TMEM204: variants seen among roughly 807,000 people sequenced by gnomAD.
TMEM204 encodes the protein transmembrane protein 204.
In TMEM204, 15 loss-of-function variants were observed where a neutral mutation model predicts 19.4. That is an observed-to-expected ratio of 0.77 (90% CI 0.52 to 1.19). The LOEUF (loss-of-function observed/expected upper bound fraction) is 1.19. TMEM204 is among the 50% of genes most tolerant of loss of function. The probability of loss-of-function intolerance (pLI) is 0.00; values close to 1 mark genes in which losing one functional copy is unlikely to be tolerated. For missense variants in TMEM204, 287 were observed against 321.2 expected (o/e 0.89, Z 0.81); for synonymous variants, 161 against 146.0 (o/e 1.10, Z -0.74).
At chr16:1,546,243 G>A (rs909042345) in intron 2 of TMEM204, among the ~76,000 whole-genome samples, 2 of 152,204 alleles carry the variant, frequency 1.3e-5, no homozygotes, top group African/African-American at 4.8e-5. Context: ...CGCCTGAGTG[G>A]CACAAGGCTG....
At chr16:1,550,869 A>G (rs983334262) in intron 2 of TMEM204, among the ~76,000 whole-genome samples, 2 of 152,202 alleles carry the variant, frequency 1.3e-5, no homozygotes, top group East Asian at 3.8e-4. Context: ...CGCTGACCCT[A>G]GCGTGGTCCC....
intron 2 of TMEM204, among the ~76,000 whole-genome samples, chr16:1,552,342 C>T (rs1472730286): frequency 3.3e-5 from 5 of 152,092 alleles, no homozygotes; most frequent in African/African-American, 1.2e-4. Context: ...GAGCGCCCCA[C>T]CCCTCCCGCT....
chr16:1,547,766 C>T (rs2032295182), intron 2 of TMEM204, among the ~76,000 whole-genome samples: 1 of 152,140 alleles, frequency 6.6e-6, no homozygotes, highest in Non-Finnish European at 1.5e-5. Flanking sequence ...AAGCTTCTGA[C>T]CTCAGGTGAT....
Position 1,534,445 on chromosome 16 carries a change from G to C in TMEM204, c.170G>C (p.Gly57Ala), listed in dbSNP as rs1057612. 0.071 allele frequency: 114,127 copies of C among 1,611,612 alleles called. 4,577 individuals carry two copies. The highest frequency in any genetic ancestry group is 0.17 in the African/African-American group (12,549 of 75,026). The change falls in exon 1 of 3, where the codon GGA (glycine) becomes GCA (alanine). Residue 57 changes from glycine (G) to alanine (A), a missense_variant. Gly to Ala is a moderately conservative substitution (Grantham distance 60). Transcript: ENST00000566264. ...TGCTGGCTGGTGGACAGGACCCGGG[G>C]AGGGCCGAGCCCTGGGGCCAGAGCC... ...RSCWLVDRTRGGPSPGARAGQ... is the reference protein window; with the variant it reads ...RSCWLVDRTRAGPSPGARAGQ...
intron 2 of TMEM204, among the ~76,000 whole-genome samples, chr16:1,549,516 C>G (rs1461033343): frequency 6.6e-6 from 1 of 152,226 alleles, no homozygotes; most frequent in Admixed American, 6.5e-5. Context: ...GCCGCAAGCT[C>G]TGCCTCCCGG....
chr16:1,530,137 T>TC (rs1403410611), upstream of TMEM204, among the ~76,000 whole-genome samples: 10 of 135,912 alleles, frequency 7.4e-5, no homozygotes, highest in Non-Finnish European at 1.1e-4. Flanking sequence ...GGGAATCTTT[T>TC]TTTTTTTTTT....
intron 1 of TMEM204, among the ~76,000 whole-genome samples, chr16:1,538,919 C>T (rs1288847696): frequency 1.3e-5 from 2 of 152,192 alleles, no homozygotes; most frequent in Non-Finnish European, 2.9e-5. Context: ...TCCTGCTGGT[C>T]CCATCTGCAC....
chr16:1,544,469 G>A (rs1225058091), intron 2 of TMEM204, among the ~76,000 whole-genome samples: 14 of 151,576 alleles, frequency 9.2e-5, no homozygotes, highest in Non-Finnish European at 1.6e-4. Flanking sequence ...ATAGGCGTGA[G>A]CCACCGCGCC....
Position 1,534,136 on chromosome 16 carries a change from C to T in TMEM204, c.-140C>T. 2 of 1,092,196 alleles carry T rather than the reference C, an allele frequency of 1.8e-6. No homozygotes were observed. The highest frequency in any genetic ancestry group is 2.6e-6 in the Non-Finnish European group (2 of 783,606). 67.7% of individuals were successfully genotyped at this position (1,092,196 alleles called of 1,614,324 possible). A position where few individuals can be genotyped will look rare whatever the true frequency, so the allele number is the denominator to read the frequency against. Reference sequence around the variant, plus strand: ...GAGAGGCGGCACACCTGGACCATCCCATGGGCCTCCGCCCGCGCCGCCCCG... The same window carrying T: ...GAGAGGCGGCACACCTGGACCATCCTATGGGCCTCCGCCCGCGCCGCCCCG... On this transcript the variant is annotated 5_prime_UTR_variant, in exon 1 of 3. Transcript: ENST00000566264.
chr16:1,555,104 G>C lies in TMEM204; in HGVS notation c.*78G>C. The stretch of plus-strand genomic sequence containing the variant: ...AGAAACCAAGGGACTCCACCACCAA[G>C]TCACTTCCCCTGCTCGTGCAGAGGC... On this transcript the variant is annotated 3_prime_UTR_variant, in exon 3 of 3. Coordinates refer to ENST00000566264, the MANE Select transcript of TMEM204 (RefSeq NM_024600.6). 2 of 1,523,646 alleles carry C rather than the reference G, an allele frequency of 1.3e-6. No individual in the cohort carries two copies. The highest frequency in any genetic ancestry group is 1.8e-6 in the Non-Finnish European group (2 of 1,138,226). The allele number at this position is 1,523,646 out of a possible 1,614,324, so 94.4% of individuals were successfully genotyped here.
chr16:1,542,397 T>C (rs1032161101), intron 2 of TMEM204, among the ~76,000 whole-genome samples: 1 of 152,214 alleles, frequency 6.6e-6, no homozygotes, highest in Non-Finnish European at 1.5e-5. Context: ...TGACTGGCCC[T>C]TGTGCAGTCC....
chr16:1,544,653 T>C (rs1380479087), intron 2 of TMEM204, among the ~76,000 whole-genome samples: 1 of 151,774 alleles, frequency 6.6e-6, no homozygotes, highest in Non-Finnish European at 1.5e-5. Context: ...TCTTTTTCTT[T>C]TTTTTCTTTT....
chr16:1,540,425 C>A (rs766316104), intron 1 of TMEM204, among the ~76,000 whole-genome samples: 1 of 152,244 alleles, frequency 6.6e-6, no homozygotes, highest in Non-Finnish European at 1.5e-5. Flanking sequence ...GCCCCGTGCA[C>A]GCGTGAACCT....
intron 1 of TMEM204, among the ~76,000 whole-genome samples, chr16:1,538,175 A>T (rs1177654686): frequency 6.6e-6 from 1 of 152,176 alleles, no homozygotes; most frequent in Non-Finnish European, 1.5e-5. Context: ...CCTTCCTGGC[A>T]GGGCGGTGGG....
Position 1,555,278 on chromosome 16 carries a change from C to A in TMEM204, c.*252C>A, listed in dbSNP as rs920287274. The A allele has an allele frequency of 8.0e-6, 4 of 497,122 alleles. No individual in the cohort carries two copies. The highest frequency in any genetic ancestry group is 1.4e-5 in the Non-Finnish European group (4 of 278,818). 30.8% of individuals were successfully genotyped at this position (497,122 alleles called of 1,614,324 possible). A position where few individuals can be genotyped will look rare whatever the true frequency, so the allele number is the denominator to read the frequency against. On this transcript the variant is annotated 3_prime_UTR_variant, in exon 3 of 3. Coordinates refer to ENST00000566264, the MANE Select transcript of TMEM204 (RefSeq NM_024600.6). ...AGCGCAACGCGGCTCCACGACCACACGCACTTCAGGGTGGAAGCTGGAAGC... is the reference window on the plus strand; with the variant it reads ...AGCGCAACGCGGCTCCACGACCACAAGCACTTCAGGGTGGAAGCTGGAAGC...
At chr16:1,542,789 T>G (rs143162338) in intron 2 of TMEM204, among the ~76,000 whole-genome samples, 1 of 152,008 alleles carries the variant, frequency 6.6e-6, no homozygotes, top group East Asian at 1.9e-4. Flanking sequence ...GCCATGTGAG[T>G]TGGGGAGGAG....
At chr16:1,548,316 G>A (rs2032340441) in intron 2 of TMEM204, among the ~76,000 whole-genome samples, 1 of 152,228 alleles carries the variant, frequency 6.6e-6, no homozygotes, top group Non-Finnish European at 1.5e-5. Flanking sequence ...TCTGCCACCT[G>A]TGTGCATGTG....
chr16:1,546,650 G>T (rs1014344574), intron 2 of TMEM204, among the ~76,000 whole-genome samples: 1 of 152,222 alleles, frequency 6.6e-6, no homozygotes, highest in Non-Finnish European at 1.5e-5. Flanking sequence ...TCCCTCGGGG[G>T]CGCAAACTGT....
rs2030834532 is a variant in TMEM204 at position 1,534,362 on chromosome 16, C to G, written c.87C>G (p.Asn29Lys). The G allele has an allele frequency of 3.7e-6, 6 of 1,612,766 alleles. No individual in the cohort carries two copies. Among genetic ancestry groups the G allele is most frequent in the African/African-American group, 1.3e-5 (1 of 74,944 alleles). Residue 29 changes from asparagine to lysine, a missense_variant, in exon 1 of 3, where the codon AAC becomes AAG. Asn to Lys is a moderately conservative substitution (Grantham distance 94, BLOSUM62 0). Transcript: ENST00000566264. ...ILNNVAAFTS[N>K]WVCQTLEDGR... ...ACAACGTGGCGGCCTTCACCTCCAA[C>G]TGGGTGTGCCAGACGCTGGAGGATG...
Sources: gnomAD v4.1 joint callset for allele counts (sites outside exome capture counted in the v4.1 genomes callset) on GRCh38, gnomAD v4.1.1 for gene constraint, MANE v1.5 for transcripts, NCBI Gene and HGNC (gene_info 2026-07-23, HGNC 2026-07-21) for gene names.